Variants in TMEFF2 observed in about 807,000 individuals in gnomAD.
The protein encoded by TMEFF2 is tomoregulin-2.
Under a neutral mutation model 53.8 loss-of-function variants are expected in TMEFF2, and 28 were observed. That is an observed-to-expected ratio of 0.52 (90% CI 0.39 to 0.71). The LOEUF is 0.71. Ranked by LOEUF, TMEFF2 falls within the 30% of genes least tolerant of loss-of-function variation. TMEFF2 has a pLI of 0.00. For missense variants in TMEFF2, 353 were observed against 455.2 expected (o/e 0.78, Z 2.04); for synonymous variants, 162 against 166.3 (o/e 0.97, Z 0.20).
chr2:192,130,575 C>T (rs1689795537), intron 4 of TMEFF2, among the ~76,000 whole-genome samples: 1 of 152,134 alleles, frequency 6.6e-6, no homozygotes, highest in Non-Finnish European at 1.5e-5. Context: ...CTGTGAATTT[C>T]CTTCTCCTGG....
At chr2:192,137,359 A>G (rs1261086277) in intron 4 of TMEFF2, among the ~76,000 whole-genome samples, 1 of 152,234 alleles carries the variant, frequency 6.6e-6, no homozygotes, top group Non-Finnish European at 1.5e-5. Flanking sequence ...CCAGGGCACA[A>G]CACACATTCC....
intron 3 of TMEFF2, among the ~76,000 whole-genome samples, chr2:192,183,210 CTCTT>C (rs1160914053): frequency 6.6e-6 from 1 of 152,008 alleles, no homozygotes; most frequent in Non-Finnish European, 1.5e-5. Context: ...TGATTCTATT[CTCTT>C]TCTTCTGCTA....
intron 4 of TMEFF2, among the ~76,000 whole-genome samples, chr2:192,135,797 A>G (rs903188032): frequency 6.6e-5 from 10 of 151,910 alleles, no homozygotes; most frequent in Non-Finnish European, 1.3e-4. Flanking sequence ...GCCCCGCCTT[A>G]ACTGATGACA....
chr2:192,020,677 G>T (rs982696758), intron 5 of TMEFF2, among the ~76,000 whole-genome samples: 2 of 152,080 alleles, frequency 1.3e-5, no homozygotes, highest in African/African-American at 4.8e-5. Context: ...TTATGGTAAG[G>T]GATACTATTA....
At chr2:192,159,902 G>A (rs1690592350) in intron 4 of TMEFF2, among the ~76,000 whole-genome samples, 1 of 152,110 alleles carries the variant, frequency 6.6e-6, no homozygotes, top group Non-Finnish European at 1.5e-5. Context: ...TCTGAACCAA[G>A]AACTTGAACT....
chr2:192,056,455 AAAG>A (rs1202380409), intron 5 of TMEFF2, among the ~76,000 whole-genome samples: 2 of 152,126 alleles, frequency 1.3e-5, no homozygotes, highest in Non-Finnish European at 2.9e-5. Context: ...AGGAATAAAA[AAAG>A]GCTGCTGCTT....
At chr2:192,150,972 C>G (rs1053091124) in intron 4 of TMEFF2, among the ~76,000 whole-genome samples, 3 of 151,606 alleles carry the variant, frequency 2.0e-5, no homozygotes, top group Non-Finnish European at 2.9e-5. Context: ...AATTGTAATC[C>G]CTATAATCCC....
At chr2:191,984,046 A>T (rs1191285580) in intron 7 of TMEFF2, among the ~76,000 whole-genome samples, 1 of 152,182 alleles carries the variant, frequency 6.6e-6, no homozygotes, top group African/African-American at 2.4e-5. Flanking sequence ...CTAGTAGTCC[A>T]TCTGCTGAAA....
rs1691959831 is a variant in TMEFF2 at position 191,953,687 on chromosome 2, G to A, written c.1020C>T (p.Cys340=). 2 of 1,613,492 alleles carry A rather than the reference G, an allele frequency of 1.2e-6. No homozygotes were observed. Among genetic ancestry groups the A allele is most frequent in the Non-Finnish European group, 1.7e-6 (2 of 1,179,776 alleles). ...CAAGTGCTGTTACTGACCTTGTGAT[G>A]CAGAGGACCACCACACAGATGACAG... is the stretch of plus-strand genomic sequence containing the variant. ...QIAVICVVVL[C]ITRKCPRSNR... is the part of the protein sequence containing the mutation. Residue 340 remains cysteine (C), a synonymous_variant, in exon 9 of 10, where the codon TGC becomes TGT. Coordinates refer to ENST00000272771, the MANE Select transcript of TMEFF2 (RefSeq NM_016192.4).
At chr2:192,029,216 AACC>A (rs1321473521) in intron 5 of TMEFF2, 1 of 152,220 alleles carries the variant, frequency 6.6e-6, no homozygotes, top group Non-Finnish European at 1.5e-5. Context: ...CTTGGCCAAC[AACC>A]ACCAAGAGCC....
chr2:192,136,705 T>C (rs1232475160), intron 4 of TMEFF2, among the ~76,000 whole-genome samples: 1 of 152,160 alleles, frequency 6.6e-6, no homozygotes, highest in Admixed American at 6.5e-5. Flanking sequence ...CTCTCTCCTT[T>C]CCCTCTCTCT....
At chr2:192,193,761 TAGAGAGAGAGAGAGAGAG>T (rs530141565) in intron 1 of TMEFF2, among the ~76,000 whole-genome samples, 71 of 47,856 alleles carry the variant, frequency 1.5e-3, no homozygotes, top group African/African-American at 4.8e-3. Flanking sequence ...GATAGATAGA[TAGAGAGAGAGAGAGAGAG>T]AGAGAGAGAG....
At position 191,950,014 on chromosome 2, in the gene TMEFF2, C is replaced by T; in HGVS notation, c.*297G>A. ...TGAGATACCGCAAATTTAAGAATGC[C>T]AATTTTTTCTCATCACTGAGTATTT... On this transcript the variant is annotated 3_prime_UTR_variant, in exon 10 of 10. Transcript: ENST00000272771. 9.0e-7 allele frequency: 1 copy of T among 1,114,728 alleles called. No homozygotes were observed. The highest frequency in any genetic ancestry group is 2.6e-5 in the South Asian group (1 of 37,826). The allele number at this position is 1,114,728 out of a possible 1,614,324, so 69.1% of individuals were successfully genotyped here.
At chr2:192,090,186 T>A (rs1255135587) in intron 4 of TMEFF2, among the ~76,000 whole-genome samples, 1 of 152,174 alleles carries the variant, frequency 6.6e-6, no homozygotes, top group East Asian at 1.9e-4. Flanking sequence ...TAGTTTATGG[T>A]CAAGTGTGCC....
intron 7 of TMEFF2, among the ~76,000 whole-genome samples, chr2:191,982,504 C>CAAAAAAAAAA (rs10678696): frequency 7.2e-6 from 1 of 138,664 alleles, no homozygotes; most frequent in African/African-American, 2.7e-5. Flanking sequence ...TGAAAACAGG[C>CAAAAAAAAAA]AAAAAAAAAA....
chr2:192,139,906 A>C (rs1056819642), intron 4 of TMEFF2, among the ~76,000 whole-genome samples: 2 of 152,170 alleles, frequency 1.3e-5, no homozygotes, highest in Admixed American at 1.3e-4. Context: ...GAGTCTAGAG[A>C]GGTAGCTTTC....
chr2:192,031,808 T>A (rs1687144890), intron 5 of TMEFF2: 1 of 152,200 alleles, frequency 6.6e-6, no homozygotes, highest in African/African-American at 2.4e-5. Context: ...ATGTAGTTTT[T>A]CAAGGAAGAT....
chr2:191,988,651 C>CT (rs1483227118), intron 7 of TMEFF2, among the ~76,000 whole-genome samples: 6 of 142,390 alleles, frequency 4.2e-5, no homozygotes, highest in African/African-American at 1.5e-4. Context: ...TACTTAAAAA[C>CT]TATTTTTTTT....
At chr2:192,146,256 T>C (rs773161662) in intron 4 of TMEFF2, among the ~76,000 whole-genome samples, 7 of 151,924 alleles carry the variant, frequency 4.6e-5, no homozygotes, top group Admixed American at 1.3e-4. Flanking sequence ...AATAAAAACA[T>C]TGTGGAAAAA....
Sources: gnomAD v4.1 joint callset for allele counts (sites outside exome capture counted in the v4.1 genomes callset) on GRCh38, gnomAD v4.1.1 for gene constraint, MANE v1.5 for transcripts, NCBI Gene and HGNC (gene_info 2026-07-23, HGNC 2026-07-21) for gene names.